Variants in FGGY observed in about 807,000 individuals in gnomAD.
FGGY encodes the protein FGGY carbohydrate kinase domain containing, also known as FGGY carbohydrate kinase domain-containing protein.
Under a neutral mutation model 71.3 loss-of-function variants are expected in FGGY, and 72 were observed. The observed-to-expected ratio is 1.01, with a 90% CI of 0.84 to 1.23. The LOEUF (loss-of-function observed/expected upper bound fraction) is 1.23. FGGY is among the 50% of genes most tolerant of loss of function. The probability of loss-of-function intolerance (pLI) is 0.00; values close to 1 mark genes in which losing one functional copy is unlikely to be tolerated. For missense variants in FGGY, 668 were observed against 682.3 expected, an observed-to-expected ratio of 0.98 and a Z score of 0.23; for synonymous variants, 251 against 250.3, an observed-to-expected ratio of 1.00 and a Z score of -0.02.
chr1:59,350,356 A>C (rs150234931), intron 4 of FGGY, among the ~76,000 whole-genome samples: 1 of 152,312 alleles, frequency 6.6e-6, no homozygotes, highest in East Asian at 1.9e-4. Context: ...CAGAGCCATC[A>C]AATGTACTAT....
chr1:59,699,297 T>G (rs2097690372), intron 14 of FGGY: 1 of 984,634 alleles, frequency 1.0e-6, no homozygotes, highest in Non-Finnish European at 1.2e-6. Flanking sequence ...AAAATTCAAT[T>G]AGAGATACTA....
At chr1:59,607,469 CTGCAAAGTCTCAT>C (rs2096634560) in intron 8 of FGGY, among the ~76,000 whole-genome samples, 4 of 152,188 alleles carry the variant, frequency 2.6e-5, no homozygotes, top group Admixed American at 2.6e-4. Flanking sequence ...ATGTGAGGAG[CTGCAAAGTCTCAT>C]TGCAAAGAGT....
At chr1:59,592,543 C>G (rs573277464) in intron 8 of FGGY, among the ~76,000 whole-genome samples, 1 of 152,134 alleles carries the variant, frequency 6.6e-6, no homozygotes, top group South Asian at 2.1e-4. Context: ...CCCAAATGTC[C>G]AACAATGATA....
chr1:59,747,073 C>T (rs1318713481), intron 14 of FGGY, among the ~76,000 whole-genome samples: 3 of 152,132 alleles, frequency 2.0e-5, no homozygotes, highest in Admixed American at 2.0e-4. Context: ...CAGCTCACGG[C>T]AGTACTATAT....
intron 4 of FGGY, among the ~76,000 whole-genome samples, chr1:59,373,711 A>G (rs889957075): frequency 6.6e-5 from 10 of 152,178 alleles, no homozygotes; most frequent in African/African-American, 1.9e-4. Context: ...AAACAGAGAT[A>G]TAGATCAATG....
At position 59,321,661 on chromosome 1, in the gene FGGY, G is replaced by T; in HGVS notation, c.112G>T (p.Asp38Tyr). The T allele has an allele frequency of 2.5e-6, 4 of 1,613,502 alleles. No homozygotes were observed. The highest frequency in any genetic ancestry group is 3.4e-6 in the Non-Finnish European group (4 of 1,179,706). Residue 38 changes from aspartate (D) to tyrosine (Y), a missense_variant, in exon 2 of 16, where the codon GAC (aspartate) becomes TAC (tyrosine). Physicochemically the swap from Asp to Tyr is radical, Grantham distance 160 (BLOSUM62 -3). This residue lies in a region of FGGY where 661 missense variants were observed against 661.6 expected (regional missense o/e 1.00). Coordinates refer to ENST00000303721, the MANE Select transcript of FGGY (RefSeq NM_018291.5). ...DQSGVLLAFA[D>Y]QPIKNWEPQF... ...GAGTGGGGTCCTGTTGGCTTTTGCA[G>T]ACCAGCCAATTAAGAATTGGGAGCC... is the stretch of plus-strand genomic sequence containing the variant.
At chr1:59,664,754 C>T (rs1217076366) in intron 12 of FGGY, among the ~76,000 whole-genome samples, 3 of 152,222 alleles carry the variant, frequency 2.0e-5, no homozygotes, top group Non-Finnish European at 4.4e-5. Flanking sequence ...TCCTTGTATG[C>T]ACCTTTCGTG....
At chr1:59,731,518 A>T (rs2098028969) in intron 14 of FGGY, among the ~76,000 whole-genome samples, 1 of 151,740 alleles carries the variant, frequency 6.6e-6, no homozygotes, top group South Asian at 2.1e-4. Flanking sequence ...TAACCTTAAG[A>T]AGGTTGTAGG....
At chr1:59,298,798 C>G (rs1234933962) in intron 1 of FGGY, among the ~76,000 whole-genome samples, 1 of 152,174 alleles carries the variant, frequency 6.6e-6, no homozygotes, top group Non-Finnish European at 1.5e-5. Context: ...AGATCACTTA[C>G]CTTCTCACCC....
At chr1:59,709,830 A>G (rs2097781640) in intron 14 of FGGY, among the ~76,000 whole-genome samples, 2 of 152,150 alleles carry the variant, frequency 1.3e-5, no homozygotes, top group Admixed American at 6.5e-5. Flanking sequence ...GTCTCAACCT[A>G]TGGCTGACAG....
At chr1:59,598,449 A>C (rs1276281629) in intron 8 of FGGY, among the ~76,000 whole-genome samples, 2 of 152,220 alleles carry the variant, frequency 1.3e-5, no homozygotes, top group Admixed American at 1.3e-4. Context: ...TTCAGTGTTT[A>C]AGGAGTCCAG....
intron 6 of FGGY, among the ~76,000 whole-genome samples, chr1:59,505,362 A>G (rs1420782443): frequency 2.0e-5 from 3 of 152,188 alleles, no homozygotes; most frequent in Admixed American, 1.3e-4. Flanking sequence ...GTAAGTGATG[A>G]GGCTATCATA....
At chr1:59,661,822 C>G (rs984278076) in intron 12 of FGGY, among the ~76,000 whole-genome samples, 3 of 151,482 alleles carry the variant, frequency 2.0e-5, no homozygotes, top group Non-Finnish European at 4.4e-5. Context: ...TGGGTTCAAG[C>G]GATTCTTCTG....
chr1:59,582,475 C>G (rs1176751151), intron 8 of FGGY, among the ~76,000 whole-genome samples: 3 of 149,818 alleles, frequency 2.0e-5, no homozygotes, highest in Admixed American at 2.0e-4. Context: ...CGTTGCACTA[C>G]TACCCCTCAC....
chr1:59,711,761 T>C (rs377262211), intron 14 of FGGY, among the ~76,000 whole-genome samples: 3 of 152,240 alleles, frequency 2.0e-5, no homozygotes, highest in African/African-American at 7.2e-5. Flanking sequence ...TTCACTATCA[T>C]GAGAAGAGCA....
chr1:59,687,432 T>G (rs980094775), intron 14 of FGGY, among the ~76,000 whole-genome samples: 2 of 152,106 alleles, frequency 1.3e-5, no homozygotes, highest in Non-Finnish European at 2.9e-5. Flanking sequence ...AACAACCTGT[T>G]GGGCTTCTAG....
intron 8 of FGGY, among the ~76,000 whole-genome samples, chr1:59,605,187 T>C (rs1025334580): frequency 3.3e-5 from 5 of 152,336 alleles, no homozygotes; most frequent in Middle Eastern, 6.8e-3. Context: ...CCTTGTGTGC[T>C]CTCTTACTAC....
rs2050335830 is a variant in FGGY at position 59,339,983 on chromosome 1, A to G, written c.227A>G (p.Asn76Ser). 6.2e-7 allele frequency: 1 copy of G among 1,612,954 alleles called. No individual in the cohort carries two copies. Among genetic ancestry groups the G allele is most frequent in the Non-Finnish European group, 8.5e-7 (1 of 1,179,384 alleles). ...TKKVVQGIDL[N>S]QIRGLGFDAT... ...AAAGTTGTACAAGGGATTGATTTAA[A>G]CCAAATTCGAGGACTTGGGTTTGAT... Residue 76 changes from asparagine (N) to serine (S), a missense_variant, in exon 3 of 16, where the codon AAC becomes AGC. By Grantham distance (46) the Asn-to-Ser change is conservative (BLOSUM62 1). This residue lies in a region of FGGY where 661 missense variants were observed against 661.6 expected (regional missense o/e 1.00). Transcript: ENST00000303721.
chr1:59,715,026 G>GT (rs1430843525), intron 14 of FGGY, among the ~76,000 whole-genome samples: 2 of 152,116 alleles, frequency 1.3e-5, no homozygotes, highest in African/African-American at 4.8e-5. Flanking sequence ...GATGCCCTTT[G>GT]TTTCCCCCTT....
Sources: allele counts gnomAD v4.1 joint callset (sites outside exome capture counted in the v4.1 genomes callset), GRCh38; gene constraint gnomAD v4.1.1; regional missense constraint gnomAD v4.1.1; transcripts MANE v1.5; gene names NCBI Gene and HGNC (gene_info 2026-07-23, HGNC 2026-07-21).